Variants in TNIK observed in about 807,000 individuals in gnomAD.
TNIK encodes the protein TRAF2 and NCK interacting kinase, also known as TRAF2 and NCK-interacting protein kinase.
A neutral mutation model predicts 191.3 loss-of-function variants in TNIK; 49 were observed. That is an observed-to-expected ratio of 0.26 (90% CI 0.20 to 0.32). The LOEUF (loss-of-function observed/expected upper bound fraction) is 0.32. Ranked by LOEUF, TNIK falls within the 10% of genes least tolerant of loss-of-function variation. The pLI is 1.00. For synonymous variants in TNIK, 594 were observed against 600.9 expected (o/e 0.99, Z 0.17); for missense variants, 1,155 against 1,702.3 (o/e 0.68, Z 5.66).
chr3:171,360,499 A>G (rs4602422), intron 2 of TNIK, among the ~76,000 whole-genome samples: 131,581 of 152,176 alleles, frequency 0.86, 57,315 homozygotes, highest in Non-Finnish European at 0.93. Context: ...GAGACCCTCT[A>G]GCCAGACCTC....
intron 2 of TNIK, among the ~76,000 whole-genome samples, chr3:171,256,276 T>G (rs1306516619): frequency 6.6e-6 from 1 of 152,122 alleles, no homozygotes; most frequent in Non-Finnish European, 1.5e-5. Context: ...GTTCAACAAA[T>G]GAGTCTACAA....
At chr3:171,426,737 CT>C (rs1370419601) in intron 1 of TNIK, among the ~76,000 whole-genome samples, 2 of 152,138 alleles carry the variant, frequency 1.3e-5, no homozygotes, top group Non-Finnish European at 2.9e-5. Flanking sequence ...TCACCACACT[CT>C]GCCACTGTCA....
At chr3:171,288,918 C>A (rs1385162336) in intron 2 of TNIK, among the ~76,000 whole-genome samples, 1 of 151,078 alleles carries the variant, frequency 6.6e-6, no homozygotes, top group Non-Finnish European at 1.5e-5. Flanking sequence ...GAAATGAAAT[C>A]TTTTTGAAAA....
intron 1 of TNIK, among the ~76,000 whole-genome samples, chr3:171,415,973 CAAAAAAAA>C (rs769531813): frequency 7.9e-5 from 1 of 12,588 alleles, no homozygotes; most frequent in Non-Finnish European, 1.3e-4. Flanking sequence ...GAGACTGTCT[CAAAAAAAA>C]AAAAAAAAAA....
chr3:171,446,433 CTAGACA>C (rs1727502998), intron 1 of TNIK, among the ~76,000 whole-genome samples: 1 of 152,074 alleles, frequency 6.6e-6, no homozygotes, highest in South Asian at 2.1e-4. Flanking sequence ...GATTTTTACC[CTAGACA>C]TAAATAATTT....
intron 2 of TNIK, among the ~76,000 whole-genome samples, chr3:171,244,124 G>A (rs115037737): frequency 0.047 from 7,133 of 150,598 alleles, 263 homozygotes; most frequent in Non-Finnish European, 0.073. Flanking sequence ...GAATGCAGGC[G>A]TGCGATCTCG....
chr3:171,190,631 T>G, intron 6 of TNIK, 66 bp downstream of exon 6: 1 of 1,242,856 alleles, frequency 8.0e-7, no homozygotes, highest in East Asian at 2.6e-5. Context: ...CATTAATTTT[T>G]TTAGAGCTGT....
chr3:171,388,049 T>TAAATA (rs1273171417), intron 1 of TNIK, among the ~76,000 whole-genome samples: 1 of 152,168 alleles, frequency 6.6e-6, no homozygotes, highest in East Asian at 1.9e-4. Flanking sequence ...AATTGACTAT[T>TAAATA]TAATGTGTTT....
At chr3:171,248,551 A>C (rs1174995170) in intron 2 of TNIK, among the ~76,000 whole-genome samples, 1 of 152,208 alleles carries the variant, frequency 6.6e-6, no homozygotes, top group Non-Finnish European at 1.5e-5. Context: ...GGACTGAGAG[A>C]CTGACAAAAG....
intron 2 of TNIK, among the ~76,000 whole-genome samples, chr3:171,290,557 T>C (rs530886674): frequency 1.3e-5 from 2 of 152,326 alleles, no homozygotes; most frequent in South Asian, 4.1e-4. Context: ...AAAAATCAAA[T>C]ATGCTGAACA....
In TNIK at chr3:171,082,263, C is replaced by T. The variant is rs1462349894; in HGVS notation, c.3301G>A (p.Val1101Met). ...MDVLEGLNVL[V>M]TISGKKNKLR... Reference sequence around the variant, plus strand: ...CTTAGTAACATACCTGAAATTGTCACAAGGACATTCAGTCCCTCTAGCACA... The same window carrying T: ...CTTAGTAACATACCTGAAATTGTCATAAGGACATTCAGTCCCTCTAGCACA... Residue 1101 changes from valine to methionine, a missense_variant, in exon 27 of 33, where the codon GTG becomes ATG. By Grantham distance (21) the Val-to-Met change is conservative. Transcript: ENST00000436636. 1 of 1,613,070 alleles carries T rather than the reference C, an allele frequency of 6.2e-7. No individual in the cohort carries two copies. The highest frequency in any genetic ancestry group is 8.5e-7 in the Non-Finnish European group (1 of 1,179,512).
At chr3:171,207,495 CA>C (rs1281051272) in intron 4 of TNIK, among the ~76,000 whole-genome samples, 1 of 152,026 alleles carries the variant, frequency 6.6e-6, no homozygotes. Flanking sequence ...CCACCATGCC[CA>C]GCCAATATAC....
At chr3:171,308,563 G>A (rs1753700242) in intron 2 of TNIK, among the ~76,000 whole-genome samples, 1 of 151,986 alleles carries the variant, frequency 6.6e-6, no homozygotes, top group African/African-American at 2.4e-5. Flanking sequence ...TAACAAATAG[G>A]ACCTAATTAA....
At chr3:171,142,109 G>A (rs1162484689) in intron 12 of TNIK, among the ~76,000 whole-genome samples, 1 of 152,204 alleles carries the variant, frequency 6.6e-6, no homozygotes, top group African/African-American at 2.4e-5. Flanking sequence ...GAGATAAGCT[G>A]CGTCTCTTAA....
At position 171,140,551 on chromosome 3, in the gene TNIK, C is replaced by T. The variant is rs201009111; in HGVS notation, c.1222-42G>A. The stretch of plus-strand genomic sequence containing the variant: ...AGACAACCATGAAGGCAACAGGCCC[C>T]GGTGGGGGGTGTCAGGGAGCCAGCA... On this transcript the variant is annotated intron_variant, in intron 12 of 32. Transcript: ENST00000436636. The T allele has an allele frequency of 6.5e-5, 103 of 1,590,380 alleles. 1 individual carries two copies. Among genetic ancestry groups the T allele is most frequent in the Non-Finnish European group, 7.6e-5 (88 of 1,161,610 alleles).
intron 1 of TNIK, among the ~76,000 whole-genome samples, chr3:171,431,502 C>G (rs1364756239): frequency 1.3e-5 from 2 of 152,026 alleles, no homozygotes; most frequent in Non-Finnish European, 2.9e-5. Flanking sequence ...TCTTTTTACT[C>G]TCTATTTACT....
intron 2 of TNIK, among the ~76,000 whole-genome samples, chr3:171,359,369 C>A (rs1714639047): frequency 6.6e-6 from 1 of 152,212 alleles, no homozygotes; most frequent in Non-Finnish European, 1.5e-5. Context: ...CTCTTCCCTG[C>A]TGTCCACAAA....
chr3:171,272,067 C>A (rs1019261981), intron 2 of TNIK, among the ~76,000 whole-genome samples: 2 of 152,168 alleles, frequency 1.3e-5, no homozygotes, highest in African/African-American at 2.4e-5. Context: ...TTATAGCCAC[C>A]ACCCGGAGAT....
intron 22 of TNIK, among the ~76,000 whole-genome samples, chr3:171,095,437 A>G (rs1024570726): frequency 7.2e-5 from 11 of 152,224 alleles, no homozygotes; most frequent in African/African-American, 2.7e-4. Context: ...CTATTTTAGC[A>G]TCTGCCTCTC....
Sources: allele counts gnomAD v4.1 joint callset (sites outside exome capture counted in the v4.1 genomes callset), GRCh38; gene constraint gnomAD v4.1.1; transcripts MANE v1.5; gene names NCBI Gene and HGNC (gene_info 2026-07-23, HGNC 2026-07-21).